SCGB2A1: variants seen among roughly 807,000 people sequenced by gnomAD.
The protein encoded by SCGB2A1 is mammaglobin-B.
In SCGB2A1, 6 loss-of-function variants were observed where a neutral mutation model predicts 9.2. That is an observed-to-expected ratio of 0.66 (90% CI 0.36 to 1.29). The LOEUF is 1.29. SCGB2A1 is among the 50% of genes most tolerant of loss of function. The pLI is 0.03. For missense variants in SCGB2A1, 138 were observed against 116.9 expected, an observed-to-expected ratio of 1.18 and a Z score of -0.83; for synonymous variants, 37 against 41.0, an observed-to-expected ratio of 0.90 and a Z score of 0.37.
intron 2 of SCGB2A1, 129 bp downstream of exon 2, chr11:62,210,729 T>C (rs1944823456): frequency 1.5e-6 from 1 of 662,810 alleles, no homozygotes; most frequent in African/African-American, 1.9e-5. Flanking sequence ...CATTAAACTT[T>C]GTCTCCAGGC....
chr11:62,209,382 GAA>G (rs1944809566), intron 1 of SCGB2A1, among the ~76,000 whole-genome samples: 1 of 152,176 alleles, frequency 6.6e-6, no homozygotes, highest in Non-Finnish European at 1.5e-5. Flanking sequence ...CCGGCTGCTG[GAA>G]TCAGCGCTAA....
intron 2 of SCGB2A1, chr11:62,213,516 G>C (rs1387602913): frequency 3.9e-6 from 2 of 514,030 alleles, no homozygotes; most frequent in Non-Finnish European, 6.8e-6. Flanking sequence ...GTAGGGAAGA[G>C]ATCCTACAAC....
At position 62,208,781 on chromosome 11, in the gene SCGB2A1, A is replaced by G. The variant is rs1186756719; in HGVS notation, c.50A>G (p.Tyr17Cys). 6.2e-7 allele frequency: 1 copy of G among 1,613,114 alleles called. No homozygotes were observed. Among genetic ancestry groups the G allele is most frequent in the Non-Finnish European group, 8.5e-7 (1 of 1,179,732 alleles). ...CTGGCGGCCCTCCTCCTGCACTGCTATGCAGGTGAGTTCTGGGCAGAGAGG... is the reference window on the plus strand; with the variant it reads ...CTGGCGGCCCTCCTCCTGCACTGCTGTGCAGGTGAGTTCTGGGCAGAGAGG... ...LMLAALLLHCYADSGCKLLED... is the reference protein window; with the variant it reads ...LMLAALLLHCCADSGCKLLED... Residue 17 changes from tyrosine to cysteine, a missense_variant, in exon 1 of 3, where the codon TAT becomes TGT. Physicochemically the swap from Tyr to Cys is radical, Grantham distance 194. Transcript: ENST00000244930.
At position 62,210,453 on chromosome 11, in the gene SCGB2A1, C is replaced by T; in HGVS notation, c.96C>T (p.Thr32=). 6.4e-7 allele frequency: 1 copy of T among 1,568,680 alleles called. No homozygotes were observed. Among genetic ancestry groups the T allele is most frequent in the Non-Finnish European group, 8.6e-7 (1 of 1,163,810 alleles). Residue 32 remains threonine, a synonymous_variant, in exon 2 of 3, where the codon ACC becomes ACT. Transcript: ENST00000244930. ...TCCTGGAGGACATGGTTGAAAAGAC[C>T]ATCAATTCCGACATATCTATACCTG... is the stretch of plus-strand genomic sequence containing the variant. ...CKLLEDMVEK[T]INSDISIPEY...
intron 2 of SCGB2A1, among the ~76,000 whole-genome samples, chr11:62,213,039 T>TGTACAC (rs1280668009): frequency 4.4e-4 from 51 of 117,208 alleles, no homozygotes; most frequent in African/African-American, 1.4e-3. Flanking sequence ...TACACACATA[T>TGTACAC]ATACATATAT....
At position 62,210,590 on chromosome 11, in the gene SCGB2A1, G is replaced by A; in HGVS notation, c.233G>A (p.Gly78Glu). Residue 78 changes from glycine to glutamate, a missense_variant, in exon 2 of 3, where the codon GGA (glycine) becomes GAA (glutamate). Gly to Glu is a moderately conservative substitution (Grantham distance 98). Coordinates refer to ENST00000244930, the MANE Select transcript of SCGB2A1 (RefSeq NM_002407.3). ...NQSHRTLKNF[G>E]LMMHTVYDSI... is the part of the protein sequence containing the mutation. ...TCACATAGAACTCTGAAAAACTTTG[G>A]ACTGATGATGGTAATTTGGGTTTCT... 1 of 1,544,048 alleles carries A rather than the reference G, an allele frequency of 6.5e-7. No homozygotes were observed. The highest frequency in any genetic ancestry group is 8.7e-7 in the Non-Finnish European group (1 of 1,154,910).
intron 2 of SCGB2A1, among the ~76,000 whole-genome samples, chr11:62,212,107 G>T (rs1394014624): frequency 6.6e-6 from 1 of 150,924 alleles, no homozygotes; most frequent in Non-Finnish European, 1.5e-5. Flanking sequence ...ATTTTAAGTA[G>T]AGATGGGGTT....
chr11:62,208,937 ACAAT>A (rs1267183553), intron 1 of SCGB2A1, 151 bp downstream of exon 1: 7 of 677,094 alleles, frequency 1.0e-5, no homozygotes, highest in Non-Finnish European at 1.8e-5. Context: ...TGAGTTCCTG[ACAAT>A]CAAGCATGCA....
In SCGB2A1 at chr11:62,213,758, G is replaced by C; in HGVS notation, c.276G>C (p.Met92Ile). 1 of 1,613,984 alleles carries C rather than the reference G, an allele frequency of 6.2e-7. No homozygotes were observed. The highest frequency in any genetic ancestry group is 8.5e-7 in the Non-Finnish European group (1 of 1,179,946). ...HTVYDSIWCNMKSN is the reference protein window; with the variant it reads ...HTVYDSIWCNIKSN ...TGTACGACAGCATTTGGTGTAATAT[G>C]AAGAGTAATTAACTTTACCCAAGGC... Residue 92 changes from methionine to isoleucine, a missense_variant, in exon 3 of 3, where the codon ATG becomes ATC. Transcript: ENST00000244930.
At chr11:62,210,024 C>T (rs1341789388) in intron 1 of SCGB2A1, among the ~76,000 whole-genome samples, 1 of 152,156 alleles carries the variant, frequency 6.6e-6, no homozygotes, top group Admixed American at 6.5e-5. Flanking sequence ...TGGACAATGT[C>T]CTAGACCCAT....
At chr11:62,213,115 T>TTTTTTGTAGAGATGGCA (rs1944852284) in intron 2 of SCGB2A1, among the ~76,000 whole-genome samples, 1 of 145,652 alleles carries the variant, frequency 6.9e-6, no homozygotes, top group Non-Finnish European at 1.5e-5. Flanking sequence ...TATTTTTTTT[T>TTTTTTGTAGAGATGGCA]TTGTAGAGAT....
chr11:62,209,799 C>T (rs565083894), intron 1 of SCGB2A1, among the ~76,000 whole-genome samples: 6 of 152,184 alleles, frequency 3.9e-5, no homozygotes, highest in African/African-American at 9.6e-5. Context: ...CTCAGCCTCC[C>T]GAGTAGCTGG....
rs79256845 is a variant in SCGB2A1, at chr11:62,208,711, A to G, written c.-21A>G. ...TGATCCCTGCCACGCACGACTGAAC[A>G]CAGACAGCAGCCGCCTCGCCATGAA... On this transcript the variant is annotated 5_prime_UTR_variant, in exon 1 of 3. Transcript: ENST00000244930. 8.4e-4 allele frequency: 1,357 copies of G among 1,613,426 alleles called. 29 individuals carry two copies. The East Asian group carries it at 0.03, about 36-fold the overall frequency.
chr11:62,209,097 G>C (rs1751323995), intron 1 of SCGB2A1, among the ~76,000 whole-genome samples: 1 of 151,464 alleles, frequency 6.6e-6, no homozygotes, highest in Non-Finnish European at 1.5e-5. Flanking sequence ...GGGCAAGGGA[G>C]AGATGGCATC....
At chr11:62,213,059 T>C (rs199774119) in intron 2 of SCGB2A1, among the ~76,000 whole-genome samples, 1,982 of 118,966 alleles carry the variant, frequency 0.017, 107 homozygotes, top group African/African-American at 0.066. Context: ...TACACATATA[T>C]ACACATATAT....
At chr11:62,209,419 T>C (rs915732518) in intron 1 of SCGB2A1, among the ~76,000 whole-genome samples, 1 of 152,048 alleles carries the variant, frequency 6.6e-6, no homozygotes, top group Non-Finnish European at 1.5e-5. Context: ...GCCTGCCTTG[T>C]GCAGTTCACA....
intron 1 of SCGB2A1, among the ~76,000 whole-genome samples, chr11:62,209,634 C>CGTGT (rs1565120340): frequency 3.6e-5 from 3 of 82,272 alleles, no homozygotes; most frequent in East Asian, 6.9e-4. Context: ...ATTTCACATT[C>CGTGT]ATGTGTGTGT....
Position 62,208,763 on chromosome 11 carries a change from C to A in SCGB2A1, c.32C>A (p.Ala11Asp). MKLLMVLMLA[A>D]LLLHCYADSG... ...CTGCTGATGGTCCTCATGCTGGCGG[C>A]CCTCCTCCTGCACTGCTATGCAGGT... The change falls in exon 1 of 3, where the codon GCC (alanine) becomes GAC (aspartate). Residue 11 changes from alanine (A) to aspartate (D), a missense_variant. Transcript: ENST00000244930. The A allele has an allele frequency of 6.2e-7, 1 of 1,613,484 alleles. No individual in the cohort carries two copies. Among genetic ancestry groups the A allele is most frequent in the Non-Finnish European group, 8.5e-7 (1 of 1,179,898 alleles).
chr11:62,213,506 G>T (rs1434781674), intron 2 of SCGB2A1: 3 of 499,496 alleles, frequency 6.0e-6, no homozygotes, highest in African/African-American at 1.9e-5. Flanking sequence ...TGGATCACTG[G>T]TAGGGAAGAG....
Sources: gnomAD v4.1 joint callset for allele counts (sites outside exome capture counted in the v4.1 genomes callset) on GRCh38, gnomAD v4.1.1 for gene constraint, MANE v1.5 for transcripts, NCBI Gene and HGNC (gene_info 2026-07-23, HGNC 2026-07-21) for gene names.